The following RASGEF1C variants were observed in gnomAD, a reference collection of about 807,000 sequenced individuals.
RASGEF1C encodes the protein RasGEF domain family member 1C, also known as ras-GEF domain-containing family member 1C.
Under a neutral mutation model 58.1 loss-of-function variants are expected in RASGEF1C, and 27 were observed. The observed-to-expected ratio is 0.46, with a 90% confidence interval of 0.34 to 0.64. The LOEUF (loss-of-function observed/expected upper bound fraction) is 0.64. Among genes scored for constraint, RASGEF1C ranks in the 30% least tolerant of loss-of-function variants. The pLI, the probability that RASGEF1C is intolerant of heterozygous loss-of-function variation, is 0.01. For missense variants in RASGEF1C, 502 were observed against 605.1 expected (o/e 0.83, Z 1.79); for synonymous variants, 243 against 246.3 (o/e 0.99, Z 0.13).
At chr5:180,162,662 T>C (rs1419636903) in intron 1 of RASGEF1C, among the ~76,000 whole-genome samples, 1 of 152,256 alleles carries the variant, frequency 6.6e-6, no homozygotes, top group Admixed American at 6.5e-5. Context: ...ATAAATAGAT[T>C]TATGTTTATT....
intron 12 of RASGEF1C, among the ~76,000 whole-genome samples, chr5:180,102,840 C>T (rs1041593441): frequency 3.3e-5 from 5 of 152,160 alleles, no homozygotes; most frequent in Non-Finnish European, 7.3e-5. Context: ...CAGACTCATT[C>T]CTCCCACGAA....
At chr5:180,111,699 G>GAGGA in intron 11 of RASGEF1C, 119 bp from the exon 12 acceptor site, 1 of 1,086,106 alleles carries the variant, frequency 9.2e-7, no homozygotes, top group South Asian at 1.4e-5. Context: ...GGGCTCTGAG[G>GAGGA]AGGAGCAGGG....
rs370161849 is a variant in RASGEF1C, at chr5:180,163,087, G to A, written c.-6-25029C>T. 2.6e-5 allele frequency among the ~76,000 whole-genome samples: 4 copies of A among 152,162 alleles called. No individual in the cohort carries two copies. In the South Asian group the frequency reaches 6.2e-4, roughly 24 times the overall value. ...TTGATTGTTGACTTTGTATCCTGGC[G>A]TCTGTAGAAACCTATGCATTAATTC... On this transcript the variant is annotated intron_variant, in intron 1 of 13. Coordinates refer to ENST00000361132, the MANE Select transcript of RASGEF1C (RefSeq NM_175062.4).
chr5:180,209,126 CCGCCGCCGCCGCCGCCG>C lies in RASGEF1C; in HGVS notation c.-122_-106del, dbSNP rs1308278584. On this transcript the variant is annotated 5_prime_UTR_variant, in exon 1 of 14. Coordinates refer to ENST00000361132, the MANE Select transcript of RASGEF1C (RefSeq NM_175062.4). ...GGGGCGCCGCCCGCCGCCGCCGCCG[CCGCCGCCGCCGCCGCCG>C]CCGCCGCCCGACCGCCCGGCTCCCA... 1.1e-4 allele frequency: 1 copy of C among 8,904 alleles called. No homozygotes were observed. Among genetic ancestry groups the C allele is most frequent in the African/African-American group, 2.3e-4 (1 of 4,402 alleles). 0.6% of individuals were successfully genotyped at this position (8,904 alleles called of 1,614,324 possible). A position where few individuals can be genotyped will look rare whatever the true frequency, so the allele number is the denominator to read the frequency against.
chr5:180,127,505 TG>T, intron 6 of RASGEF1C, 103 bp downstream of exon 6: 1 of 1,171,646 alleles, frequency 8.5e-7, no homozygotes, highest in Non-Finnish European at 1.2e-6. Flanking sequence ...TGTCCCACTC[TG>T]GGCCACTCCA....
At chr5:180,133,326 G>A (rs891489127) in intron 4 of RASGEF1C, among the ~76,000 whole-genome samples, 26 of 152,192 alleles carry the variant, frequency 1.7e-4, no homozygotes, top group Admixed American at 1.5e-3. Context: ...GGAGCACAGC[G>A]ACGACATGGG....
intron 1 of RASGEF1C, among the ~76,000 whole-genome samples, chr5:180,149,720 C>T (rs1358969638): frequency 2.0e-5 from 3 of 152,178 alleles, no homozygotes; most frequent in Non-Finnish European, 4.4e-5. Context: ...TCCCAAAGTG[C>T]TGGGATTACA....
At chr5:180,193,181 G>A (rs1479523780) in intron 1 of RASGEF1C, among the ~76,000 whole-genome samples, 1 of 133,452 alleles carries the variant, frequency 7.5e-6, no homozygotes, top group Non-Finnish European at 1.6e-5. Flanking sequence ...TCAGCCTCCC[G>A]AGTAGCTGGG....
At chr5:180,131,513 C>G (rs1323419634) in intron 4 of RASGEF1C, among the ~76,000 whole-genome samples, 2 of 152,226 alleles carry the variant, frequency 1.3e-5, no homozygotes, top group African/African-American at 4.8e-5. Context: ...TGCCACACCA[C>G]TTTTAGAGCT....
At chr5:180,144,219 G>C (rs989631800) in intron 1 of RASGEF1C, among the ~76,000 whole-genome samples, 6 of 152,198 alleles carry the variant, frequency 3.9e-5, no homozygotes, top group Non-Finnish European at 5.9e-5. Flanking sequence ...GCACCGCCAT[G>C]GTTCCCCATG....
intron 10 of RASGEF1C, among the ~76,000 whole-genome samples, chr5:180,115,816 C>T (rs1256216771): frequency 1.3e-4 from 20 of 152,100 alleles, no homozygotes; most frequent in Admixed American, 1.3e-3. Context: ...CCAGGTGGCT[C>T]TGCCCTAGTG....
At chr5:180,151,914 G>A (rs1766751304) in intron 1 of RASGEF1C, among the ~76,000 whole-genome samples, 1 of 151,878 alleles carries the variant, frequency 6.6e-6, no homozygotes, top group African/African-American at 2.4e-5. Context: ...CGAAGGATAT[G>A]AACAGACACT....
intron 6 of RASGEF1C, among the ~76,000 whole-genome samples, chr5:180,123,029 AAAAAG>A (rs879001042): frequency 6.6e-5 from 10 of 152,332 alleles, no homozygotes; most frequent in African/African-American, 2.4e-4. Flanking sequence ...TATAAGTAAA[AAAAAG>A]AGAAAAATAT....
intron 1 of RASGEF1C, among the ~76,000 whole-genome samples, chr5:180,192,325 C>T (rs975875810): frequency 6.6e-6 from 1 of 152,166 alleles, no homozygotes; most frequent in African/African-American, 2.4e-5. Context: ...AGCACGGATA[C>T]GTTCTAAACT....
At position 180,155,984 on chromosome 5, in the gene RASGEF1C, A is replaced by C. The variant is rs916334003; in HGVS notation, c.-6-17926T>G. Among the ~76,000 whole-genome samples the C allele has an allele frequency of 1.7e-4, 26 of 151,994 alleles. No homozygotes were observed. Among genetic ancestry groups the C allele is most frequent in the African/African-American group, 6.0e-4 (25 of 41,386 alleles). On this transcript the variant is annotated intron_variant, in intron 1 of 13. Coordinates refer to ENST00000361132, the MANE Select transcript of RASGEF1C (RefSeq NM_175062.4). The surrounding 1 kb of genome is among the most constrained non-coding windows in gnomAD (Gnocchi z 5.2). ...CAAAGCCTGGGCTTTGCTTCGAGAC[A>C]ATTACTATTATTATTATTACAGCAT...
chr5:180,199,658 C>T (rs1314995165), intron 1 of RASGEF1C, among the ~76,000 whole-genome samples: 1 of 151,024 alleles, frequency 6.6e-6, no homozygotes, highest in Non-Finnish European at 1.5e-5. Flanking sequence ...CCTCTGCCTT[C>T]CCTCCCTCTC....
At chr5:180,114,930 T>C (rs973326248) in intron 10 of RASGEF1C, among the ~76,000 whole-genome samples, 4 of 152,346 alleles carry the variant, frequency 2.6e-5, no homozygotes, top group South Asian at 2.1e-4. Flanking sequence ...GTCCACAGGC[T>C]TGTGGGCACC....
chr5:180,197,019 C>T lies in RASGEF1C; in HGVS notation c.-7+12009G>A, dbSNP rs530023608. Among the ~76,000 whole-genome samples the T allele has an allele frequency of 9.4e-4, 143 of 152,334 alleles. No homozygotes were observed. The highest frequency in any genetic ancestry group is 3.2e-3 in the African/African-American group (132 of 41,570). On this transcript the variant is annotated intron_variant, in intron 1 of 13. Transcript: ENST00000361132. This position sits in a 1 kb window ranked among gnomAD's most constrained non-coding sequence, Gnocchi z 4.7. Reference sequence around the variant, plus strand: ...AGAATGTGGAGCTGGGTGTGCTGCCCGAGGCTGGCGTCGGTGAGGCTCCCC... The same window carrying T: ...AGAATGTGGAGCTGGGTGTGCTGCCTGAGGCTGGCGTCGGTGAGGCTCCCC...
At position 180,155,156 on chromosome 5, in the gene RASGEF1C, C is replaced by T. The variant is rs1766830063; in HGVS notation, c.-6-17098G>A. On this transcript the variant is annotated intron_variant, in intron 1 of 13. Transcript: ENST00000361132. This position sits in a 1 kb window ranked among gnomAD's most constrained non-coding sequence, Gnocchi z 5.2. ...CCTTCCCCACCTTGCACAGAAACCT[C>T]AAGGGAGGAAAGCCCCCAACCCTGA... 3.3e-5 allele frequency among the ~76,000 whole-genome samples: 5 copies of T among 152,158 alleles called. No individual in the cohort carries two copies.
Sources: allele counts gnomAD v4.1 joint callset (sites outside exome capture counted in the v4.1 genomes callset), GRCh38; gene constraint gnomAD v4.1.1; non-coding constraint Gnocchi (gnomAD v3.1); transcripts MANE v1.5; gene names NCBI Gene and HGNC (gene_info 2026-07-23, HGNC 2026-07-21).